The following HTR2C variants were observed in gnomAD, a reference collection of about 807,000 sequenced individuals.
The protein encoded by HTR2C is 5-hydroxytryptamine (serotonin) receptor 2C, G protein-coupled.
In HTR2C, 5 loss-of-function variants were observed where a neutral mutation model predicts 21.0. The ratio of observed to expected loss-of-function variants is 0.24; its 90% CI spans 0.12 to 0.50. The LOEUF (loss-of-function observed/expected upper bound fraction) is 0.50, where lower values mean the gene tolerates loss of function less well. Among genes scored for constraint, HTR2C ranks in the 20% least tolerant of loss-of-function variants. HTR2C has a pLI of 0.98. For synonymous variants in HTR2C, 150 were observed against 145.3 expected, an observed-to-expected ratio of 1.03 and a Z score of -0.23; for missense variants, 271 against 371.2, an observed-to-expected ratio of 0.73 and a Z score of 2.22.
chrX:114,837,228 C>A (rs1453009519), intron 4 of HTR2C, among the ~76,000 whole-genome samples: 1 of 111,647 alleles, frequency 9.0e-6, no homozygotes, highest in African/African-American at 3.3e-5. Context: ...GGGAAATAAT[C>A]CCCTTATTTA....
chrX:114,857,610 A>G (rs2070973194), intron 5 of HTR2C, among the ~76,000 whole-genome samples: 1 of 111,175 alleles, frequency 9.0e-6, no homozygotes, highest in Non-Finnish European at 1.9e-5. Context: ...GTTTTTTTGT[A>G]TAGTCTAGAT....
intron 2 of HTR2C, among the ~76,000 whole-genome samples, chrX:114,694,147 A>G (rs1302574856): frequency 9.0e-6 from 1 of 110,844 alleles, no homozygotes; most frequent in Non-Finnish European, 1.9e-5. Flanking sequence ...TGGGAAAATA[A>G]TATTGCTCAT....
At chrX:114,806,259 A>ACATATATACACCATATATATACACAC (rs2070430757) in intron 4 of HTR2C, among the ~76,000 whole-genome samples, 1 of 99,087 alleles carries the variant, frequency 1.0e-5, no homozygotes, top group Non-Finnish European at 2.0e-5. Flanking sequence ...TATATACACC[A>ACATATATACACCATATATATACACAC]CATATATACA....
chrX:114,672,074 C>G (rs782300320), intron 2 of HTR2C, among the ~76,000 whole-genome samples: 1 of 111,400 alleles, frequency 9.0e-6, no homozygotes, highest in Non-Finnish European at 1.9e-5. Context: ...TAGATACAAG[C>G]AAATAAATAT....
At chrX:114,816,361 T>C (rs1026870686) in intron 4 of HTR2C, among the ~76,000 whole-genome samples, 2 of 110,205 alleles carry the variant, frequency 1.8e-5, no homozygotes, top group Non-Finnish European at 3.8e-5. Context: ...GTTTGTTTGT[T>C]TGTTTCTTTT....
chrX:114,845,806 T>C (rs1207394567), intron 4 of HTR2C, among the ~76,000 whole-genome samples: 5 of 108,724 alleles, frequency 4.6e-5, no homozygotes, highest in African/African-American at 1.7e-4. Context: ...GCCTATGAGT[T>C]CAAGAGCAGC....
intron 2 of HTR2C, among the ~76,000 whole-genome samples, chrX:114,694,492 T>TATATACACAC (rs1932213042): frequency 5.9e-5 from 1 of 16,939 alleles, no homozygotes; most frequent in African/African-American, 1.6e-4. Flanking sequence ...TATATATATA[T>TATATACACAC]ACACACACAG....
chrX:114,780,878 A>G (rs189178741), intron 4 of HTR2C, among the ~76,000 whole-genome samples: 100 of 111,913 alleles, frequency 8.9e-4, no homozygotes, highest in African/African-American at 2.8e-3. Flanking sequence ...CAGAAAAACA[A>G]CAAATATAAT....
At chrX:114,699,494 C>T (rs1932391004) in intron 2 of HTR2C, among the ~76,000 whole-genome samples, 1 of 111,960 alleles carries the variant, frequency 8.9e-6, no homozygotes, top group Non-Finnish European at 1.9e-5. Context: ...TGCCTAATAC[C>T]ATGTCACCAG....
chrX:114,678,966 AAAAAGTT>A (rs1556413171), intron 2 of HTR2C, among the ~76,000 whole-genome samples: 1 of 111,946 alleles, frequency 8.9e-6, no homozygotes, highest in Non-Finnish European at 1.9e-5. Flanking sequence ...TTCCTCAAGA[AAAAAGTT>A]AAAAATAAAT....
chrX:114,584,994 A>G (rs1464018809), intron 1 of HTR2C, among the ~76,000 whole-genome samples: 2 of 107,849 alleles, frequency 1.9e-5, no homozygotes, highest in Non-Finnish European at 3.8e-5. Context: ...GTGGGGTCTC[A>G]AGAAGTGAGG....
chrX:114,697,357 G>T (rs1418548078), intron 2 of HTR2C, among the ~76,000 whole-genome samples: 3 of 112,076 alleles, frequency 2.7e-5, no homozygotes, highest in Admixed American at 9.5e-5. Context: ...TCCAAACAAA[G>T]TATCTTCCGC....
intron 2 of HTR2C, among the ~76,000 whole-genome samples, chrX:114,690,190 T>C (rs1309832935): frequency 2.7e-5 from 3 of 111,381 alleles, no homozygotes; most frequent in Non-Finnish European, 5.7e-5. Context: ...ACGATGATAG[T>C]GACAGTTCTT....
intron 4 of HTR2C, among the ~76,000 whole-genome samples, chrX:114,810,543 A>C (rs1365044901): frequency 9.2e-6 from 1 of 109,118 alleles, no homozygotes; most frequent in Non-Finnish European, 1.9e-5. Context: ...ACCAGCACTG[A>C]GTTCCAATGC....
At chrX:114,647,793 G>C (rs1556407819) in intron 2 of HTR2C, among the ~76,000 whole-genome samples, 1 of 111,885 alleles carries the variant, frequency 8.9e-6, no homozygotes, top group Non-Finnish European at 1.9e-5. Context: ...TAATGACTAT[G>C]AGATGGCCAA....
chrX:114,892,502 T>C (rs1353811559), intron 5 of HTR2C, among the ~76,000 whole-genome samples: 1 of 111,993 alleles, frequency 8.9e-6, no homozygotes, highest in African/African-American at 3.2e-5. Flanking sequence ...AATAATTGTC[T>C]ATGTGAAACT....
chrX:114,672,574 A>T (rs1373745184), intron 2 of HTR2C, among the ~76,000 whole-genome samples: 1 of 112,044 alleles, frequency 8.9e-6, no homozygotes, highest in Non-Finnish European at 1.9e-5. Flanking sequence ...TTCTTTACCT[A>T]TAAAATGGGT....
At chrX:114,619,472 C>T (rs1929071294) in intron 2 of HTR2C, among the ~76,000 whole-genome samples, 1 of 111,208 alleles carries the variant, frequency 9.0e-6, no homozygotes, top group Non-Finnish European at 1.9e-5. Flanking sequence ...TATTCCCTCA[C>T]CCCCCTCATG....
chrX:114,661,089 C>T (rs1930968688), intron 2 of HTR2C, among the ~76,000 whole-genome samples: 2 of 112,462 alleles, frequency 1.8e-5, no homozygotes, highest in Admixed American at 9.4e-5. Flanking sequence ...CCCAAGCAAG[C>T]ATCTATTTTT....
Sources: gnomAD v4.1 joint callset for allele counts (sites outside exome capture counted in the v4.1 genomes callset) on GRCh38, gnomAD v4.1.1 for gene constraint, MANE v1.5 for transcripts, NCBI Gene and HGNC (gene_info 2026-07-23, HGNC 2026-07-21) for gene names.